RAD51B: variants seen among roughly 807,000 people sequenced by gnomAD.
RAD51B encodes the protein DNA repair protein RAD51 homolog 2.
RAD51B carries 38 observed loss-of-function variants against 42.2 expected under a neutral mutation model. The ratio of observed to expected loss-of-function variants is 0.90; its 90% CI spans 0.70 to 1.18. The LOEUF (loss-of-function observed/expected upper bound fraction) is 1.18. Among genes scored for constraint, RAD51B ranks in the 50% most tolerant of loss-of-function variants. The pLI is 0.00. For synonymous variants in RAD51B, 154 were observed against 145.2 expected (o/e 1.06, Z -0.43); for missense variants, 373 against 400.7 (o/e 0.93, Z 0.59).
intron 8 of RAD51B, among the ~76,000 whole-genome samples, chr14:68,319,985 G>T (rs2082128469): frequency 6.6e-6 from 1 of 152,238 alleles, no homozygotes; most frequent in East Asian, 1.9e-4. Flanking sequence ...ACTTTCTGCA[G>T]GTCACAGAGC....
At chr14:67,978,809 G>A (rs546921986) in intron 7 of RAD51B, among the ~76,000 whole-genome samples, 3 of 152,282 alleles carry the variant, frequency 2.0e-5, no homozygotes, top group Non-Finnish European at 4.4e-5. Flanking sequence ...CTACAATGAT[G>A]TTTTTAAAAC....
chr14:68,324,638 A>T (rs1225708585), intron 8 of RAD51B, among the ~76,000 whole-genome samples: 1 of 152,224 alleles, frequency 6.6e-6, no homozygotes, highest in Non-Finnish European at 1.5e-5. Context: ...TTCATGTTGT[A>T]TATTAATGTT....
chr14:68,194,524 AG>A (rs2079330646), intron 7 of RAD51B, among the ~76,000 whole-genome samples: 1 of 152,230 alleles, frequency 6.6e-6, no homozygotes, highest in African/African-American at 2.4e-5. Context: ...CCAGAAGGCC[AG>A]GGACGGATTA....
intron 7 of RAD51B, among the ~76,000 whole-genome samples, chr14:68,071,514 A>G (rs1183466554): frequency 6.6e-6 from 1 of 152,166 alleles, no homozygotes; most frequent in Non-Finnish European, 1.5e-5. Flanking sequence ...TATTGAGATA[A>G]TCACGTGGCT....
At chr14:68,449,872 T>C (rs1357123401) in intron 9 of RAD51B, among the ~76,000 whole-genome samples, 1 of 152,192 alleles carries the variant, frequency 6.6e-6, no homozygotes, top group Non-Finnish European at 1.5e-5. Context: ...TCCTTGTGAT[T>C]AGAAGAACTC....
At chr14:68,379,874 G>A (rs765971255) in intron 8 of RAD51B, among the ~76,000 whole-genome samples, 48 of 152,252 alleles carry the variant, frequency 3.2e-4, no homozygotes, top group Non-Finnish European at 5.9e-4. Context: ...GAGTGAGGCT[G>A]CTAGTCACAA....
At chr14:68,257,581 C>G (rs1246722062) in intron 7 of RAD51B, among the ~76,000 whole-genome samples, 1 of 151,670 alleles carries the variant, frequency 6.6e-6, no homozygotes, top group Non-Finnish European at 1.5e-5. Context: ...CAATTAAAAA[C>G]AAAATATAAA....
chr14:68,339,085 T>C (rs1175458839), intron 8 of RAD51B: 16 of 683,212 alleles, frequency 2.3e-5, no homozygotes, highest in Non-Finnish European at 4.0e-5. Flanking sequence ...GCTTTCTTGT[T>C]CTCCACCAAG....
At chr14:68,404,975 G>C (rs1229257786) in intron 8 of RAD51B, among the ~76,000 whole-genome samples, 1 of 152,164 alleles carries the variant, frequency 6.6e-6, no homozygotes, top group African/African-American at 2.4e-5. Context: ...TTTGACATGA[G>C]AGACATGATA....
chr14:68,618,926 T>C (rs964991893), intron 10 of RAD51B, among the ~76,000 whole-genome samples: 10 of 152,138 alleles, frequency 6.6e-5, no homozygotes, highest in Non-Finnish European at 1.5e-4. Flanking sequence ...AGTCTTTTCC[T>C]CTAGGTCTTA....
rs1309922768 is a variant in RAD51B at position 68,354,626 on chromosome 14, T to C, written c.854-56798T>C. 2.0e-5 allele frequency among the ~76,000 whole-genome samples: 3 copies of C among 152,238 alleles called. No individual in the cohort carries two copies. The East Asian group carries it at 5.8e-4, about 29-fold the overall frequency. On this transcript the variant is annotated intron_variant, in intron 8 of 10. Transcript: ENST00000471583. ...GCTCACACCTGTAATCCCAGAACTT[T>C]AGGAGACGAAGTTGGGAGGATCACT... is the stretch of plus-strand genomic sequence containing the variant.
At chr14:68,498,637 A>G (rs1884709765) in intron 10 of RAD51B, among the ~76,000 whole-genome samples, 1 of 152,174 alleles carries the variant, frequency 6.6e-6, no homozygotes, top group South Asian at 2.1e-4. Context: ...CTACAAACAC[A>G]AAGTTATTCA....
At position 68,056,829 on chromosome 14, in the gene RAD51B, AAC is replaced by A. The variant is rs936308650; in HGVS notation, c.756+169628_756+169629del. Among the ~76,000 whole-genome samples the A allele has an allele frequency of 3.3e-5, 5 of 152,084 alleles. No individual in the cohort carries two copies. The East Asian group carries it at 7.7e-4, about 23-fold the overall frequency. On this transcript the variant is annotated intron_variant, in intron 7 of 10. Transcript: ENST00000471583. ...CGCGGTGGCTCACACCTGTAATCCCAACACTTTGGGAAGCTGAGGCGGGTGGA... is the reference window on the plus strand; with the variant it reads ...CGCGGTGGCTCACACCTGTAATCCCAACTTTGGGAAGCTGAGGCGGGTGGA...
At chr14:67,925,689 G>A (rs1353814487) in intron 7 of RAD51B, among the ~76,000 whole-genome samples, 1 of 152,142 alleles carries the variant, frequency 6.6e-6, no homozygotes, top group African/African-American at 2.4e-5. Flanking sequence ...TTTCTGCAGA[G>A]GTTCTTCTCC....
At chr14:68,234,223 T>A (rs1483838244) in intron 7 of RAD51B, among the ~76,000 whole-genome samples, 1 of 152,156 alleles carries the variant, frequency 6.6e-6, no homozygotes, top group Non-Finnish European at 1.5e-5. Flanking sequence ...TCATGCTGCC[T>A]TCAACAAGAA....
chr14:68,597,807 A>AG (rs1450704768), downstream of RAD51B, among the ~76,000 whole-genome samples: 2 of 151,598 alleles, frequency 1.3e-5, no homozygotes, highest in African/African-American at 4.9e-5. Flanking sequence ...ACAAGTTAAA[A>AG]AAAAAAAAAA....
chr14:68,033,800 G>A (rs902803377), intron 7 of RAD51B, among the ~76,000 whole-genome samples: 64 of 152,166 alleles, frequency 4.2e-4, no homozygotes, highest in African/African-American at 1.5e-3. Flanking sequence ...AGTAGGCTAT[G>A]GGGCTGAATC....
intron 7 of RAD51B, among the ~76,000 whole-genome samples, chr14:67,909,531 T>C (rs2140109875): frequency 6.6e-6 from 1 of 152,360 alleles, no homozygotes; most frequent in African/African-American, 2.4e-5. Flanking sequence ...GTTTTGTTTG[T>C]AGTATCAGTA....
chr14:68,447,166 C>A (rs558229634), intron 9 of RAD51B, among the ~76,000 whole-genome samples: 13 of 152,272 alleles, frequency 8.5e-5, no homozygotes, highest in African/African-American at 2.2e-4. Context: ...TGTGGTGAGC[C>A]AGGATTGTGC....
Sources: allele counts gnomAD v4.1 joint callset (sites outside exome capture counted in the v4.1 genomes callset), GRCh38; gene constraint gnomAD v4.1.1; transcripts MANE v1.5; gene names NCBI Gene and HGNC (gene_info 2026-07-23, HGNC 2026-07-21).